ZNF566: variants seen among roughly 807,000 people sequenced by gnomAD.
ZNF566 encodes the protein zinc finger protein 566.
In ZNF566, 27 loss-of-function variants were observed where a neutral mutation model predicts 32.8. That is an observed-to-expected ratio of 0.82 (90% CI 0.61 to 1.14). ZNF566 has a LOEUF of 1.14. Ranked by LOEUF, ZNF566 falls within the 50% of genes most tolerant of loss-of-function variation. The probability of loss-of-function intolerance (pLI) is 0.00; values close to 1 mark genes in which losing one functional copy is unlikely to be tolerated. For synonymous variants in ZNF566, 154 were observed against 159.5 expected (o/e 0.97, Z 0.26); for missense variants, 402 against 490.4 (o/e 0.82, Z 1.70).
intron 1 of ZNF566, among the ~76,000 whole-genome samples, chr19:36,477,525 T>TG (rs1408768738): frequency 2.1e-4 from 22 of 105,630 alleles, no homozygotes; most frequent in Admixed American, 5.0e-4. Flanking sequence ...TTTCTGTTTC[T>TG]GTTTTTTTTT....
chr19:36,488,603 T>G (rs1600190128), intron 1 of ZNF566, among the ~76,000 whole-genome samples: 2 of 152,230 alleles, frequency 1.3e-5, no homozygotes, highest in South Asian at 4.1e-4. Flanking sequence ...AATGTGGCTG[T>G]GTTGTTTATA....
intron 2 of ZNF566, among the ~76,000 whole-genome samples, chr19:36,475,941 T>C (rs377742299): frequency 5.3e-5 from 8 of 152,194 alleles, no homozygotes; most frequent in African/African-American, 1.9e-4. Context: ...TGGACATTAA[T>C]CTAAATTAAA....
At chr19:36,487,091 A>G (rs76417686) in intron 1 of ZNF566, among the ~76,000 whole-genome samples, 14 of 146,252 alleles carry the variant, frequency 9.6e-5, no homozygotes, top group Non-Finnish European at 2.0e-4. Flanking sequence ...CTCCGTCTCA[A>G]AAAAAAAAAA....
intron 4 of ZNF566, among the ~76,000 whole-genome samples, chr19:36,456,848 C>T (rs2033328449): frequency 6.6e-6 from 1 of 151,968 alleles, no homozygotes; most frequent in African/African-American, 2.4e-5. Flanking sequence ...CAGTGGAATC[C>T]CTAACAAAAT....
chr19:36,466,177 T>C (rs368561138), intron 4 of ZNF566, among the ~76,000 whole-genome samples: 140 of 152,132 alleles, frequency 9.2e-4, no homozygotes, highest in African/African-American at 2.9e-3. Flanking sequence ...GGAAAACATT[T>C]TTCTCTAATG....
At chr19:36,453,134 A>C (rs2033203558) in intron 4 of ZNF566, among the ~76,000 whole-genome samples, 1 of 151,240 alleles carries the variant, frequency 6.6e-6, no homozygotes, top group African/African-American at 2.4e-5. Context: ...AAAACAAAAA[A>C]ACAAAAAAAC....
At chr19:36,478,384 T>G (rs2033947598) in intron 1 of ZNF566, among the ~76,000 whole-genome samples, 1 of 152,134 alleles carries the variant, frequency 6.6e-6, no homozygotes, top group African/African-American at 2.4e-5. Context: ...TATTCCTCAT[T>G]TTAAGCCCTC....
chr19:36,459,089 A>G (rs1394935281), intron 4 of ZNF566, among the ~76,000 whole-genome samples: 2 of 152,216 alleles, frequency 1.3e-5, no homozygotes, highest in Non-Finnish European at 2.9e-5. Context: ...GAATTGTTTA[A>G]AAAACTTTCA....
At chr19:36,474,192 A>G (rs1273512616) in intron 2 of ZNF566, among the ~76,000 whole-genome samples, 2 of 152,160 alleles carry the variant, frequency 1.3e-5, no homozygotes, top group Admixed American at 6.5e-5. Context: ...AGTTTCAGGA[A>G]AGCTGTGACT....
At chr19:36,460,327 T>C (rs1377434858) in intron 4 of ZNF566, among the ~76,000 whole-genome samples, 1 of 152,052 alleles carries the variant, frequency 6.6e-6, no homozygotes, top group Non-Finnish European at 1.5e-5. Context: ...TCATGCACAC[T>C]CTGCAAACCA....
At chr19:36,455,274 G>C (rs1405972159) in intron 4 of ZNF566, among the ~76,000 whole-genome samples, 2 of 152,096 alleles carry the variant, frequency 1.3e-5, no homozygotes, top group African/African-American at 4.8e-5. Context: ...ACATTGGAAA[G>C]ATAAAGGTTT....
rs928367334 is a variant in ZNF566 at position 36,470,817 on chromosome 19, C to T, written c.232+2094G>A. 6.0e-5 allele frequency among the ~76,000 whole-genome samples: 9 copies of T among 150,108 alleles called. No homozygotes were observed. The East Asian group carries it at 1.4e-3, about 23-fold the overall frequency. ...CCCAGCTACTCGGGAGGATGAGGCA[C>T]GAGAATCGCTTGAACCCAGGAGGTG... is the stretch of plus-strand genomic sequence containing the variant. On this transcript the variant is annotated intron_variant, in intron 4 of 4. Transcript: ENST00000452939.
At chr19:36,467,573 T>C (rs1040579446) in intron 4 of ZNF566, among the ~76,000 whole-genome samples, 23 of 148,440 alleles carry the variant, frequency 1.5e-4, no homozygotes, top group African/African-American at 4.8e-4. Context: ...GGTGGGTCAT[T>C]TGAGGTCAGC....
chr19:36,480,782 C>T (rs890212990), intron 1 of ZNF566, among the ~76,000 whole-genome samples: 2 of 151,774 alleles, frequency 1.3e-5, no homozygotes, highest in African/African-American at 2.4e-5. Flanking sequence ...GTAATCCCAG[C>T]ACTTTGGGAG....
At chr19:36,462,802 A>G (rs1490324059) in intron 4 of ZNF566, among the ~76,000 whole-genome samples, 1 of 151,418 alleles carries the variant, frequency 6.6e-6, no homozygotes, top group African/African-American at 2.4e-5. Flanking sequence ...CTAAAAATAC[A>G]AAAAATTAGC....
At chr19:36,464,756 T>G (rs750415934) in intron 4 of ZNF566, among the ~76,000 whole-genome samples, 15 of 151,912 alleles carry the variant, frequency 9.9e-5, no homozygotes, top group Non-Finnish European at 7.4e-5. Flanking sequence ...CCTGGGTGAC[T>G]TTTTCTGTCT....
In ZNF566 at chr19:36,449,019, A is replaced by T. The variant is rs752093548; in HGVS notation, c.1215T>A (p.Asn405Lys). Residue 405 changes from asparagine to lysine, a missense_variant, in exon 5 of 5, where the codon AAT (asparagine) becomes AAA (lysine). By Grantham distance (94) the Asn-to-Lys change is moderately conservative. Coordinates refer to ENST00000452939, the MANE Select transcript of ZNF566 (RefSeq NM_001145344.1). ...YEYRECGKNF[N>K]YDPQLIQHQN... ...GATGCTGAATAAGTTGTGGGTCATA[A>T]TTAAAGTTCTTTCCACATTCCCTAT... is the stretch of plus-strand genomic sequence containing the variant. 2.5e-6 allele frequency: 4 copies of T among 1,604,998 alleles called. No individual in the cohort carries two copies. The highest frequency in any genetic ancestry group is 3.4e-6 in the Non-Finnish European group (4 of 1,177,108).
In ZNF566 at chr19:36,449,213, A is replaced by C. The variant is rs1441965736; in HGVS notation, c.1021T>G (p.Cys341Gly). Residue 341 changes from cysteine (C) to glycine (G), a missense_variant, in exon 5 of 5, where the codon TGT (cysteine) becomes GGT (glycine). Cys to Gly is a radical substitution (Grantham distance 159). This residue lies in a region of ZNF566 where 135 missense variants were observed against 210.0 expected (regional missense o/e 0.64). Transcript: ENST00000452939. ...CGAAAAGCCTTTTCACATTCCTTACATTCGTAAGGTTTCTCACCTGTATGG... is the reference window on the plus strand; with the variant it reads ...CGAAAAGCCTTTTCACATTCCTTACCTTCGTAAGGTTTCTCACCTGTATGG... The part of the protein sequence containing the change: ...RIHTGEKPYE[C>G]KECEKAFRSG... 32 of 1,613,956 alleles carry C rather than the reference A, an allele frequency of 2.0e-5. No individual in the cohort carries two copies. The highest frequency in any genetic ancestry group is 2.7e-5 in the Non-Finnish European group (32 of 1,179,990).
chr19:36,479,243 T>G (rs541130799), intron 1 of ZNF566, among the ~76,000 whole-genome samples: 1 of 152,166 alleles, frequency 6.6e-6, no homozygotes, highest in Non-Finnish European at 1.5e-5. Context: ...GCTTGGCCAG[T>G]ATAATAGGGC....
Sources: gnomAD v4.1 joint callset for allele counts (sites outside exome capture counted in the v4.1 genomes callset) on GRCh38, gnomAD v4.1.1 for gene constraint, gnomAD v4.1.1 regional missense constraint, MANE v1.5 for transcripts, NCBI Gene and HGNC (gene_info 2026-07-23, HGNC 2026-07-21) for gene names.